Variants in ATXN7L1 observed in about 807,000 individuals in gnomAD.
ATXN7L1 encodes the protein ataxin-7-like protein 1.
A neutral mutation model predicts 70.8 loss-of-function variants in ATXN7L1; 15 were observed. That is an observed-to-expected ratio of 0.21 (90% confidence interval 0.14 to 0.33). The LOEUF (loss-of-function observed/expected upper bound fraction) is 0.33, where lower values mean the gene tolerates loss of function less well. ATXN7L1 is among the 10% of genes least tolerant of loss of function. The pLI is 1.00. For missense variants in ATXN7L1, 975 were observed against 1,097.1 expected, an observed-to-expected ratio of 0.89 and a Z score of 1.57; for synonymous variants, 440 against 445.1, an observed-to-expected ratio of 0.99 and a Z score of 0.14.
intron 2 of ATXN7L1, among the ~76,000 whole-genome samples, chr7:105,809,309 T>C (rs1024830265): frequency 1.3e-5 from 2 of 152,246 alleles, no homozygotes; most frequent in South Asian, 2.1e-4. Context: ...AACACATCTG[T>C]GAGTGTATAG....
chr7:105,835,901 T>C (rs1237895928), intron 2 of ATXN7L1, among the ~76,000 whole-genome samples: 1 of 151,958 alleles, frequency 6.6e-6, no homozygotes, highest in African/African-American at 2.4e-5. Flanking sequence ...CTCTCTCTCT[T>C]TTTTTCAAGA....
chr7:105,843,790 A>G (rs1381795447), intron 2 of ATXN7L1, among the ~76,000 whole-genome samples: 1 of 152,258 alleles, frequency 6.6e-6, no homozygotes, highest in Non-Finnish European at 1.5e-5. Context: ...CAATTCTTGT[A>G]GAAAGCTATG....
intron 3 of ATXN7L1, among the ~76,000 whole-genome samples, chr7:105,743,393 G>A (rs1243725535): frequency 6.6e-6 from 1 of 152,140 alleles, no homozygotes; most frequent in Non-Finnish European, 1.5e-5. Flanking sequence ...ACCTGAGTAA[G>A]AGTCCCAGGG....
chr7:105,638,274 T>C (rs1407206195), intron 7 of ATXN7L1, 79 bp downstream of exon 7: 2 of 1,448,158 alleles, frequency 1.4e-6, no homozygotes. Flanking sequence ...TAACATATAA[T>C]CAGACCACAT....
At chr7:105,744,555 C>T (rs943986122) in intron 3 of ATXN7L1, among the ~76,000 whole-genome samples, 1 of 151,966 alleles carries the variant, frequency 6.6e-6, no homozygotes, top group Non-Finnish European at 1.5e-5. Context: ...TTAGATCTTA[C>T]CCCCTTAAAA....
At chr7:105,754,765 G>C (rs929761543) in intron 3 of ATXN7L1, among the ~76,000 whole-genome samples, 1 of 152,154 alleles carries the variant, frequency 6.6e-6, no homozygotes, top group African/African-American at 2.4e-5. Flanking sequence ...CAGTCTATTG[G>C]TTCATTTTTT....
intron 3 of ATXN7L1, among the ~76,000 whole-genome samples, chr7:105,704,944 C>G (rs1015306733): frequency 3.3e-5 from 5 of 151,968 alleles, no homozygotes; most frequent in African/African-American, 1.2e-4. Flanking sequence ...GACTCCAAAC[C>G]CAAGCACACT....
chr7:105,627,390 G>T (rs1348144035), intron 7 of ATXN7L1, among the ~76,000 whole-genome samples: 1 of 151,918 alleles, frequency 6.6e-6, no homozygotes, highest in Admixed American at 6.6e-5. Context: ...ATGTGTCACA[G>T]TATCTGGCTA....
intron 2 of ATXN7L1, among the ~76,000 whole-genome samples, chr7:105,863,047 G>A (rs1273292707): frequency 6.6e-6 from 1 of 152,098 alleles, no homozygotes; most frequent in Non-Finnish European, 1.5e-5. Flanking sequence ...AGTGATCTCC[G>A]CTCCATCATC....
At chr7:105,719,010 T>C (rs572416914) in intron 3 of ATXN7L1, among the ~76,000 whole-genome samples, 3 of 152,128 alleles carry the variant, frequency 2.0e-5, no homozygotes, top group African/African-American at 7.2e-5. Context: ...CCATGTTACA[T>C]CCTGATTCCA....
chr7:105,688,357 C>T (rs1288455594), intron 3 of ATXN7L1, among the ~76,000 whole-genome samples: 2 of 152,114 alleles, frequency 1.3e-5, no homozygotes, highest in Admixed American at 6.5e-5. Context: ...GCCTGGGCAA[C>T]ATGGAGGAAA....
chr7:105,694,573 T>C (rs1791464113), intron 3 of ATXN7L1, among the ~76,000 whole-genome samples: 1 of 152,214 alleles, frequency 6.6e-6, no homozygotes, highest in Non-Finnish European at 1.5e-5. Flanking sequence ...GAAAGCTTTC[T>C]GATGTCCAAT....
At chr7:105,857,762 G>A (rs991520734) in intron 2 of ATXN7L1, among the ~76,000 whole-genome samples, 1 of 152,160 alleles carries the variant, frequency 6.6e-6, no homozygotes, top group Non-Finnish European at 1.5e-5. Flanking sequence ...TTTACTTCCT[G>A]AGGTTTGTAC....
intron 2 of ATXN7L1, among the ~76,000 whole-genome samples, chr7:105,815,705 G>C (rs1296093168): frequency 6.6e-6 from 1 of 152,212 alleles, no homozygotes; most frequent in Non-Finnish European, 1.5e-5. Context: ...AAAGTAGGAA[G>C]AAATAGGTCC....
intron 3 of ATXN7L1, 86 bp from the exon 4 acceptor site, chr7:105,665,374 A>G: frequency 1.8e-6 from 2 of 1,134,072 alleles, no homozygotes; most frequent in Non-Finnish European, 2.6e-6. Flanking sequence ...AACACACAAC[A>G]GGCGGAGAGA....
intron 3 of ATXN7L1, among the ~76,000 whole-genome samples, chr7:105,730,953 C>T (rs1796467436): frequency 1.3e-5 from 2 of 152,070 alleles, no homozygotes; most frequent in Admixed American, 6.6e-5. Context: ...AAACCAGGTG[C>T]GGGATATATA....
intron 3 of ATXN7L1, among the ~76,000 whole-genome samples, chr7:105,775,039 G>A (rs530846888): frequency 6.6e-6 from 1 of 152,178 alleles, no homozygotes; most frequent in African/African-American, 2.4e-5. Context: ...TTTTTTCCAG[G>A]TAAAGTGGGA....
chr7:105,642,504 C>A (rs1196492382), intron 5 of ATXN7L1, among the ~76,000 whole-genome samples: 1 of 152,190 alleles, frequency 6.6e-6, no homozygotes, highest in Non-Finnish European at 1.5e-5. Context: ...AGGGCTAGTT[C>A]AACCTGTTTG....
rs528927373 is a variant in ATXN7L1 at position 105,763,489 on chromosome 7, G to A, written c.355+25115C>T. On this transcript the variant is annotated intron_variant, in intron 3 of 11. Coordinates refer to ENST00000419735, the MANE Select transcript of ATXN7L1 (RefSeq NM_020725.2). Reference sequence around the variant, plus strand: ...TCCTCAGGCCATGAGGCTGCCTCTTGTTTTTAAACCTGGGGGCATAATAAC... The same window carrying A: ...TCCTCAGGCCATGAGGCTGCCTCTTATTTTTAAACCTGGGGGCATAATAAC... Among the ~76,000 whole-genome samples the A allele has an allele frequency of 5.9e-5, 9 of 152,324 alleles. No individual in the cohort carries two copies. The East Asian group carries it at 1.7e-3, about 29-fold the overall frequency.
Sources: gnomAD v4.1 joint callset for allele counts (sites outside exome capture counted in the v4.1 genomes callset) on GRCh38, gnomAD v4.1.1 for gene constraint, MANE v1.5 for transcripts, NCBI Gene and HGNC (gene_info 2026-07-23, HGNC 2026-07-21) for gene names.